The following USP9X variants were observed in gnomAD, a reference collection of about 807,000 sequenced individuals.
The protein encoded by USP9X is ubiquitin carboxyl-terminal hydrolase 9X.
USP9X carries 7 observed loss-of-function variants against 190.3 expected under a neutral mutation model. The ratio of observed to expected loss-of-function variants is 0.04; its 90% CI spans 0.02 to 0.07. The LOEUF (loss-of-function observed/expected upper bound fraction) is 0.07, where lower values mean the gene tolerates loss of function less well. Ranked by LOEUF, USP9X falls within the 10% of genes least tolerant of loss-of-function variation. The probability of loss-of-function intolerance (pLI) is 1.00; values close to 1 mark genes in which losing one functional copy is unlikely to be tolerated. For missense variants in USP9X, 1,010 were observed against 1,916.9 expected, an observed-to-expected ratio of 0.53 and a Z score of 8.83; for synonymous variants, 645 against 659.5, an observed-to-expected ratio of 0.98 and a Z score of 0.34.
chrX:41,205,136 G>A, intron 31 of USP9X, 167 bp from the exon 32 acceptor site: 1 of 399,109 alleles, frequency 2.5e-6, no homozygotes, highest in African/African-American at 2.6e-5. Flanking sequence ...TAACTAATAT[G>A]TGAAATGGTG....
chrX:41,091,153 ATTAAG>A (rs2061952473), intron 1 of USP9X, among the ~76,000 whole-genome samples: 1 of 110,298 alleles, frequency 9.1e-6, no homozygotes, highest in South Asian at 3.8e-4. Flanking sequence ...GAGAGATTGG[ATTAAG>A]TTGTTATTTA....
Position 41,186,520 on chromosome X carries a change from A to G in USP9X, c.3562A>G (p.Asn1188Asp). Residue 1188 changes from asparagine (N) to aspartate (D), a missense_variant, in exon 24 of 45, where the codon AAC (asparagine) becomes GAC (aspartate). Transcript: ENST00000378308. ...VEGVNPMTQI[N>D]QVTHDQAVVL... ...TAAAATGGTTAACTTTTTTCAGATC[A>G]ACCAAGTTACCCATGATCAAGCAGT... 1 of 1,211,332 alleles carries G rather than the reference A, an allele frequency of 8.3e-7. No homozygotes were observed. Among genetic ancestry groups the G allele is most frequent in the South Asian group, 1.8e-5 (1 of 56,977 alleles).
chrX:41,205,617 G>T, intron 32 of USP9X, 124 bp downstream of exon 32: 8 of 548,509 alleles, frequency 1.5e-5, no homozygotes, highest in Non-Finnish European at 1.8e-5. Flanking sequence ...TATTCAAACT[G>T]TCCTTAATTG....
chrX:41,096,930 A>G (rs1260113601), intron 1 of USP9X, among the ~76,000 whole-genome samples: 1 of 112,489 alleles, frequency 8.9e-6, no homozygotes, highest in Non-Finnish European at 1.9e-5. Flanking sequence ...AGAAATTGTC[A>G]AGTAAAGGAA....
chrX:41,091,547 A>ATT, intron 1 of USP9X, among the ~76,000 whole-genome samples: 1 of 112,543 alleles, frequency 8.9e-6, no homozygotes, highest in Non-Finnish European at 1.9e-5. Context: ...AGCACCTAGA[A>ATT]AGTGCCTGGC....
At chrX:41,145,778 C>G (rs1569167318) in intron 11 of USP9X, among the ~76,000 whole-genome samples, 1 of 111,289 alleles carries the variant, frequency 9.0e-6, no homozygotes, top group Non-Finnish European at 1.9e-5. Flanking sequence ...GAAAAAAATA[C>G]CATTTTTACT....
chrX:41,148,771 G>A (rs1211334386), intron 12 of USP9X, among the ~76,000 whole-genome samples, 196 bp downstream of exon 12: 1 of 111,878 alleles, frequency 8.9e-6, no homozygotes, highest in Non-Finnish European at 1.9e-5. Flanking sequence ...AAGCATTTTA[G>A]TCTCCTTGGG....
chrX:41,147,450 G>GTTTTTTTT (rs760854080), intron 11 of USP9X, among the ~76,000 whole-genome samples: 2 of 69,797 alleles, frequency 2.9e-5, no homozygotes, highest in African/African-American at 5.9e-5. Context: ...CTTAATCGTT[G>GTTTTTTTT]TTTTTTTTTT....
chrX:41,133,542 AT>A (rs1025945330), intron 4 of USP9X, among the ~76,000 whole-genome samples: 7 of 111,844 alleles, frequency 6.3e-5, no homozygotes, highest in Non-Finnish European at 1.1e-4. Flanking sequence ...GTACAATTAA[AT>A]TATTTTTTAC....
At position 41,184,656 on chromosome X, in the gene USP9X, G is replaced by T. The variant is rs1472928076; in HGVS notation, c.3539G>T (p.Gly1180Val). 2 of 1,209,040 alleles carry T rather than the reference G, an allele frequency of 1.7e-6. No homozygotes were observed. The highest frequency in any genetic ancestry group is 3.5e-5 in the African/African-American group (2 of 57,232). The change falls in exon 23 of 45, where the codon GGT becomes GTT. Residue 1180 changes from glycine (G) to valine (V), a missense_variant. By Grantham distance (109) the Gly-to-Val change is moderately radical (BLOSUM62 -3). Transcript: ENST00000378308. ...GAAGCTTGTCAGCCAGGTGTAGAAGGTGTGAATCCCATGACACAGGTAATA... is the reference window on the plus strand; with the variant it reads ...GAAGCTTGTCAGCCAGGTGTAGAAGTTGTGAATCCCATGACACAGGTAATA... ...VAEACQPGVEGVNPMTQINQV... is the reference protein window; with the variant it reads ...VAEACQPGVEVVNPMTQINQV...
chrX:41,179,459 TCTC>T (rs896171478), intron 21 of USP9X, among the ~76,000 whole-genome samples: 5 of 112,102 alleles, frequency 4.5e-5, no homozygotes, highest in African/African-American at 1.6e-4. Flanking sequence ...TAGTGATCTT[TCTC>T]CTCCTTGCTT....
chrX:41,213,572 G>T (rs1040704393), intron 33 of USP9X, among the ~76,000 whole-genome samples: 7 of 111,878 alleles, frequency 6.3e-5, no homozygotes, highest in African/African-American at 3.2e-5. Flanking sequence ...AGCAAAGAGC[G>T]TCCGTACTTG....
chrX:41,148,326 G>A, intron 11 of USP9X, 43 bp from the exon 12 acceptor site: 1 of 1,182,700 alleles, frequency 8.5e-7, no homozygotes, highest in Admixed American at 2.2e-5. Context: ...ATGAAGTGGT[G>A]ACTAAATATG....
At position 41,198,603 on chromosome X, in the gene USP9X, G is replaced by A; in HGVS notation, c.4456G>A (p.Glu1486Lys). Residue 1486 changes from glutamate to lysine, a missense_variant, in exon 30 of 45, where the codon GAA becomes AAA. Around this residue, in one of 11 missense-constraint regions of USP9X, gnomAD observed 351 missense variants for 480.8 expected, o/e 0.73. Transcript: ENST00000378308. ...QYMRNGELPA[E>K]QAIPVCGSPP... ...TATGAGAAATGGAGAGCTTCCAGCT[G>A]AACAGGCTATTCCGGTCTGTGGTTC... 1 of 1,211,574 alleles carries A rather than the reference G, an allele frequency of 8.3e-7. No individual in the cohort carries two copies. The highest frequency in any genetic ancestry group is 1.1e-6 in the Non-Finnish European group (1 of 895,330).
rs141693064 is a variant in USP9X at position 41,204,689 on chromosome X, G to T, written c.4825-614G>T. The stretch of plus-strand genomic sequence containing the variant: ...TACCTTTTCTATTTTTAGATGCACA[G>T]ATTCACCGTTGGTTTGCAGTTGTCT... On this transcript the variant is annotated intron_variant, in intron 31 of 44. Coordinates refer to ENST00000378308, the MANE Select transcript of USP9X (RefSeq NM_001039591.3). 6.3e-3 allele frequency among the ~76,000 whole-genome samples: 708 copies of T among 111,530 alleles called. 1 individual carries two copies. The highest frequency in any genetic ancestry group is 9.2e-3 in the Non-Finnish European group (487 of 53,090).
Position 41,141,568 on chromosome X carries a change from ACT to A in USP9X, c.1161+140_1161+141del, listed in dbSNP as rs756390382. 3.4e-3 allele frequency: 2,184 copies of A among 639,880 alleles called. 2 individuals carry two copies. The highest frequency in any genetic ancestry group is 4.0e-3 in the Non-Finnish European group (1,892 of 473,348). The allele number at this position is 639,880 out of a possible 1,213,427, so 52.7% of individuals were successfully genotyped here. ...TGGGAGGTGTTTTGATTGATTTATA[ACT>A]CTGTTAATCCTGAGAACTTTTTGAA... On this transcript the variant is annotated intron_variant, in intron 9 of 44. Coordinates refer to ENST00000378308, the MANE Select transcript of USP9X (RefSeq NM_001039591.3).
chrX:41,166,814 G>A (rs1304514276), intron 16 of USP9X, among the ~76,000 whole-genome samples: 9 of 111,951 alleles, frequency 8.0e-5, no homozygotes, highest in African/African-American at 2.9e-4. Context: ...GTTTATTGTG[G>A]CATTTGAGTA....
chrX:41,229,017 A>T, intron 41 of USP9X: 1 of 239,839 alleles, frequency 4.2e-6, no homozygotes, highest in Non-Finnish European at 7.3e-6. Flanking sequence ...GGCAGGAGAG[A>T]GGCGTGAACC....
At chrX:41,117,641 G>A (rs1170325293) in intron 1 of USP9X, among the ~76,000 whole-genome samples, 1 of 95,685 alleles carries the variant, frequency 1.0e-5, no homozygotes, top group Non-Finnish European at 2.0e-5. Context: ...GCAGTGGTGC[G>A]ACCTCGGCTC....
Sources: gnomAD v4.1 joint callset for allele counts (sites outside exome capture counted in the v4.1 genomes callset) on GRCh38, gnomAD v4.1.1 for gene constraint, gnomAD v4.1.1 regional missense constraint, MANE v1.5 for transcripts, NCBI Gene and HGNC (gene_info 2026-07-23, HGNC 2026-07-21) for gene names.